The following TMA16 variants were observed in gnomAD, a reference collection of about 807,000 sequenced individuals.
The protein encoded by TMA16 is translation machinery-associated protein 16.
TMA16 carries 26 observed loss-of-function variants against 27.1 expected under a neutral mutation model. That is an observed-to-expected ratio of 0.96 (90% CI 0.70 to 1.33). The LOEUF is 1.33. Among genes scored for constraint, TMA16 ranks in the 40% most tolerant of loss-of-function variants. The probability of loss-of-function intolerance (pLI) is 0.00; values close to 1 mark genes in which losing one functional copy is unlikely to be tolerated. For missense variants in TMA16, 233 were observed against 241.4 expected, an observed-to-expected ratio of 0.97 and a Z score of 0.23; for synonymous variants, 71 against 81.9, an observed-to-expected ratio of 0.87 and a Z score of 0.72.
chr4:163,517,277 A>G lies in TMA16; in HGVS notation c.389-157A>G, dbSNP rs1737894766. ...TAGGATTTTTCTTAAGTCATCTTAA[A>G]CTAACCCCTTTTGCAAATTTTTCAT... On this transcript the variant is annotated intron_variant, in intron 5 of 6. Coordinates refer to ENST00000358572, the MANE Select transcript of TMA16 (RefSeq NM_018352.3). 4.6e-6 allele frequency: 3 copies of G among 655,556 alleles called. No individual in the cohort carries two copies. In the South Asian group the frequency reaches 5.4e-5, roughly 12 times the overall value. The allele number at this position is 655,556 out of a possible 1,614,324, so 40.6% of individuals were successfully genotyped here. A position where few individuals can be genotyped will look rare whatever the true frequency, so the allele number is the denominator to read the frequency against.
chr4:163,497,288 A>G (rs1205712350), intron 1 of TMA16, among the ~76,000 whole-genome samples: 1 of 152,236 alleles, frequency 6.6e-6, no homozygotes, highest in African/African-American at 2.4e-5. Context: ...AACTAAAGAA[A>G]AACATTAATG....
chr4:163,498,356 C>T (rs1039172332), intron 1 of TMA16, among the ~76,000 whole-genome samples: 12 of 147,326 alleles, frequency 8.1e-5, no homozygotes, highest in East Asian at 2.0e-4. Flanking sequence ...GGCGTGATCT[C>T]GGCTCACTGC....
intron 2 of TMA16, 73 bp downstream of exon 2, chr4:163,507,218 A>G (rs2110799883): frequency 7.9e-7 from 1 of 1,265,728 alleles, no homozygotes; most frequent in Middle Eastern, 1.9e-4. Context: ...TCAAACATAT[A>G]TCCTTTCACA....
chr4:163,517,445 A>G lies in TMA16; in HGVS notation c.400A>G (p.Ile134Val). The part of the protein sequence containing the change: ...FEGYGLEIPD[I>V]LNASNLKTFR... ...ACTTTCTTTTCCAGAGATTCCAGAC[A>G]TTCTAAATGCAAGTAATCTGAAAAC... The change falls in exon 6 of 7, where the codon ATT (isoleucine) becomes GTT (valine). Residue 134 changes from isoleucine to valine, a missense_variant. Coordinates refer to ENST00000358572, the MANE Select transcript of TMA16 (RefSeq NM_018352.3). 1 of 1,613,478 alleles carries G rather than the reference A, an allele frequency of 6.2e-7. No homozygotes were observed. Among genetic ancestry groups the G allele is most frequent in the African/African-American group, 1.3e-5 (1 of 75,016 alleles).
In TMA16 at chr4:163,517,492, A is replaced by G. The variant is rs921873898; in HGVS notation, c.431+16A>G. On this transcript the variant is annotated intron_variant, in intron 6 of 6. Transcript: ENST00000358572. Reference sequence around the variant, plus strand: ...AAACATTTAGGTGAGTCTGTCTTGTATTGTTCCCCTGAAGCTGTGTGTAAA... The same window carrying G: ...AAACATTTAGGTGAGTCTGTCTTGTGTTGTTCCCCTGAAGCTGTGTGTAAA... The G allele has an allele frequency of 1.1e-5, 17 of 1,611,164 alleles. No individual in the cohort carries two copies. Among genetic ancestry groups the G allele is most frequent in the African/African-American group, 4.0e-5 (3 of 74,776 alleles).
chr4:163,497,042 T>C (rs1737563864), intron 1 of TMA16, among the ~76,000 whole-genome samples: 1 of 152,174 alleles, frequency 6.6e-6, no homozygotes, highest in South Asian at 2.1e-4. Context: ...ATAGAGCTTG[T>C]GTGTGCTTCT....
intron 2 of TMA16, among the ~76,000 whole-genome samples, chr4:163,510,693 T>C (rs1450314542): frequency 6.6e-6 from 1 of 152,238 alleles, no homozygotes; most frequent in Non-Finnish European, 1.5e-5. Context: ...TTGGCTGTTA[T>C]CAGAGGTCGG....
At position 163,515,302 on chromosome 4, in the gene TMA16, G is replaced by A. The variant is rs778913197; in HGVS notation, c.240-11G>A. 88 of 1,600,754 alleles carry A rather than the reference G, an allele frequency of 5.5e-5. No individual in the cohort carries two copies. Among genetic ancestry groups the A allele is most frequent in the East Asian group, 5.1e-4 (23 of 44,754 alleles). ...TTTGTATGTAACACAAATCATTTTC[G>A]TATTTTTCAGGTACTTAAATCGATT... On this transcript the variant is annotated splice_polypyrimidine_tract_variant and intron_variant, in intron 4 of 6. Coordinates refer to ENST00000358572, the MANE Select transcript of TMA16 (RefSeq NM_018352.3).
intron 2 of TMA16, 128 bp from the exon 3 acceptor site, chr4:163,512,694 T>C (rs1387116961): frequency 1.4e-5 from 8 of 586,714 alleles, no homozygotes; most frequent in Non-Finnish European, 2.4e-5. Flanking sequence ...AAAATTATTC[T>C]CAAATTTGTA....
At chr4:163,515,548 G>T (rs1036380125) in intron 5 of TMA16, 87 bp downstream of exon 5, 87 of 1,355,990 alleles carry the variant, frequency 6.4e-5, no homozygotes, top group East Asian at 5.1e-5. Context: ...TTTAGATCTT[G>T]TTTATTTCAT....
chr4:163,516,310 A>G (rs1737876303), intron 5 of TMA16, among the ~76,000 whole-genome samples: 1 of 152,330 alleles, frequency 6.6e-6, no homozygotes, highest in Admixed American at 6.5e-5. Context: ...TTGTCACCAA[A>G]TTCTGTTTTG....
chr4:163,500,356 G>T (rs13135963), intron 1 of TMA16, among the ~76,000 whole-genome samples: 3 of 151,490 alleles, frequency 2.0e-5, no homozygotes, highest in Non-Finnish European at 4.4e-5. Context: ...GATTATAAGC[G>T]TGCACCACCA....
At chr4:163,512,109 T>C (rs1369936202) in intron 2 of TMA16, among the ~76,000 whole-genome samples, 3 of 152,132 alleles carry the variant, frequency 2.0e-5, no homozygotes, top group African/African-American at 7.2e-5. Context: ...CTAAAACATA[T>C]GGTAGGTGCT....
intron 4 of TMA16, 69 bp from the exon 5 acceptor site, chr4:163,515,244 T>C (rs1737856242): frequency 6.9e-7 from 1 of 1,443,744 alleles, no homozygotes; most frequent in Non-Finnish European, 9.2e-7. Flanking sequence ...ATACTAAGTT[T>C]TCCATTAAGT....
intron 5 of TMA16, among the ~76,000 whole-genome samples, chr4:163,516,283 G>A (rs1057275242): frequency 6.6e-6 from 1 of 152,204 alleles, no homozygotes; most frequent in Non-Finnish European, 1.5e-5. Flanking sequence ...GCAGGTGTCC[G>A]TTTCCCTTTG....
At position 163,519,888 on chromosome 4, in the gene TMA16, C is replaced by A; in HGVS notation, c.*374C>A. The A allele has an allele frequency of 5.6e-6, 3 of 534,246 alleles. No individual in the cohort carries two copies. The highest frequency in any genetic ancestry group is 6.6e-6 in the Non-Finnish European group (2 of 301,928). The allele number at this position is 534,246 out of a possible 1,614,324, so 33.1% of individuals were successfully genotyped here. A position where few individuals can be genotyped will look rare whatever the true frequency, so the allele number is the denominator to read the frequency against. ...GTTTCCTGAAAGATTCCTGTGGGTA[C>A]TTTTTGAGCTGTGATAATAGCAAAA... On this transcript the variant is annotated 3_prime_UTR_variant, in exon 7 of 7. Coordinates refer to ENST00000358572, the MANE Select transcript of TMA16 (RefSeq NM_018352.3).
In TMA16 at chr4:163,519,582, T is replaced by A; in HGVS notation, c.*68T>A. On this transcript the variant is annotated 3_prime_UTR_variant, in exon 7 of 7. Coordinates refer to ENST00000358572, the MANE Select transcript of TMA16 (RefSeq NM_018352.3). ...AATTATATTCATTGATTATGGTACCTAATTGTCATGATACAAAAATTTGAT... is the reference window on the plus strand; with the variant it reads ...AATTATATTCATTGATTATGGTACCAAATTGTCATGATACAAAAATTTGAT... 1 of 1,397,254 alleles carries A rather than the reference T, an allele frequency of 7.2e-7. No individual in the cohort carries two copies. Among genetic ancestry groups the A allele is most frequent in the Non-Finnish European group, 9.5e-7 (1 of 1,051,498 alleles). The allele number at this position is 1,397,254 out of a possible 1,614,324, so 86.6% of individuals were successfully genotyped here. A position where few individuals can be genotyped will look rare whatever the true frequency, so the allele number is the denominator to read the frequency against.
At chr4:163,514,617 G>A (rs1737848383) in intron 4 of TMA16, among the ~76,000 whole-genome samples, 1 of 152,172 alleles carries the variant, frequency 6.6e-6, no homozygotes, top group Admixed American at 6.5e-5. Flanking sequence ...CAGTCTAAAA[G>A]TTGGGACCTT....
Position 163,500,785 on chromosome 4 carries a change from T to C in TMA16, c.3+5981T>C, listed in dbSNP as rs539166987. ...TTTAGGTAGAAATACAGTAAACCTG[T>C]CAAACTGATTTAGCTACAATCTTGT... On this transcript the variant is annotated intron_variant, in intron 1 of 6. Coordinates refer to ENST00000358572, the MANE Select transcript of TMA16 (RefSeq NM_018352.3). 6.6e-5 allele frequency among the ~76,000 whole-genome samples: 10 copies of C among 152,320 alleles called. No homozygotes were observed. The East Asian group carries it at 1.9e-3, about 29-fold the overall frequency.
Sources: allele counts gnomAD v4.1 joint callset (sites outside exome capture counted in the v4.1 genomes callset), GRCh38; gene constraint gnomAD v4.1.1; transcripts MANE v1.5; gene names NCBI Gene and HGNC (gene_info 2026-07-23, HGNC 2026-07-21).